GSPT1: variants seen among roughly 807,000 people sequenced by gnomAD.
GSPT1 encodes the protein eukaryotic peptide chain release factor GTP-binding subunit ERF3A.
A neutral mutation model predicts 72.5 loss-of-function variants in GSPT1; 20 were observed. That is an observed-to-expected ratio of 0.28 (90% confidence interval 0.19 to 0.40). The LOEUF is 0.40. Among genes scored for constraint, GSPT1 ranks in the 10% least tolerant of loss-of-function variants. The probability of loss-of-function intolerance (pLI) is 1.00; values close to 1 mark genes in which losing one functional copy is unlikely to be tolerated. For missense variants in GSPT1, 580 were observed against 811.9 expected, an observed-to-expected ratio of 0.71 and a Z score of 3.47; for synonymous variants, 334 against 293.5, an observed-to-expected ratio of 1.14 and a Z score of -1.41.
In GSPT1 at chr16:11,915,713, G is replaced by C; in HGVS notation, c.8C>G (p.Pro3Arg). 6.7e-7 allele frequency: 1 copy of C among 1,501,758 alleles called. No individual in the cohort carries two copies. 93.0% of individuals were successfully genotyped at this position (1,501,758 alleles called of 1,614,324 possible). ...GCCGCCGCCGCCGCCGCCACTGCCC[G>C]GATCCATGATCGGGGGGGCCGTGTG... The part of the protein sequence containing the change: MD[P>R]GSGGGGGGGG... The change falls in exon 1 of 15, where the codon CCG (proline) becomes CGG (arginine). Residue 3 changes from proline to arginine, a missense_variant. Around this residue, in one of 6 missense-constraint regions of GSPT1, gnomAD observed 327 missense variants for 298.8 expected, o/e 1.09. Transcript: ENST00000434724.
At chr16:11,905,198 T>C (rs1426143288) in intron 1 of GSPT1, among the ~76,000 whole-genome samples, 1 of 152,136 alleles carries the variant, frequency 6.6e-6, no homozygotes, top group Non-Finnish European at 1.5e-5. Flanking sequence ...AAGTAAGAAA[T>C]ATGTGTGACA....
rs1392354477 is a variant in GSPT1, at chr16:11,908,587, C to A, written c.352+6782G>T. On this transcript the variant is annotated intron_variant, in intron 1 of 14. Coordinates refer to ENST00000434724, the MANE Select transcript of GSPT1 (RefSeq NM_002094.4). ...CATCCCGGCTAAAACGGTGAAACCC[C>A]GTCTCTACTAAAAATACAAAAAATT... The A allele has an allele frequency of 3.8e-5, 4 of 106,556 alleles. 1 individual carries two copies. The highest frequency in any genetic ancestry group is 7.1e-5 in the Non-Finnish European group (4 of 56,718). The allele number at this position is 106,556 out of a possible 1,614,324, so 6.6% of individuals were successfully genotyped here. A position where few individuals can be genotyped will look rare whatever the true frequency, so the allele number is the denominator to read the frequency against.
intron 1 of GSPT1, among the ~76,000 whole-genome samples, chr16:11,910,277 G>GT (rs1165382676): frequency 1.3e-5 from 2 of 152,170 alleles, no homozygotes; most frequent in African/African-American, 4.8e-5. Context: ...GAGGTTTTAC[G>GT]TAAGGGATTG....
intron 14 of GSPT1, among the ~76,000 whole-genome samples, chr16:11,873,550 A>G (rs2054002561): frequency 6.6e-6 from 1 of 152,030 alleles, no homozygotes; most frequent in African/African-American, 2.4e-5. Flanking sequence ...ACCTCAGGTG[A>G]TCCACCCGCC....
chr16:11,882,913 C>T (rs8062768), intron 11 of GSPT1, 102 bp downstream of exon 11: 40,802 of 708,654 alleles, frequency 0.058, 3,374 homozygotes, highest in Admixed American at 0.23. Context: ...GCTATGAATG[C>T]GCCACTGTAC....
intron 1 of GSPT1, among the ~76,000 whole-genome samples, chr16:11,910,354 A>T (rs1325870621): frequency 6.6e-6 from 1 of 152,178 alleles, no homozygotes; most frequent in Non-Finnish European, 1.5e-5. Flanking sequence ...TGTGACTTCC[A>T]CTAGAGTACA....
intron 1 of GSPT1, among the ~76,000 whole-genome samples, chr16:11,913,137 T>A (rs1042966287): frequency 6.6e-6 from 1 of 152,236 alleles, no homozygotes; most frequent in African/African-American, 2.4e-5. Flanking sequence ...TATTTCCTAT[T>A]TATCCCCCTG....
chr16:11,890,589 TA>T (rs1255442661), intron 6 of GSPT1, among the ~76,000 whole-genome samples: 3 of 152,168 alleles, frequency 2.0e-5, no homozygotes, highest in African/African-American at 7.2e-5. Flanking sequence ...AAAATAAAAG[TA>T]ACAAGGTTAG....
intron 4 of GSPT1, among the ~76,000 whole-genome samples, chr16:11,895,872 G>A (rs1312266973): frequency 6.6e-6 from 1 of 152,184 alleles, no homozygotes; most frequent in East Asian, 1.9e-4. Flanking sequence ...TGATGTGCCC[G>A]CCTTGGCCTC....
At chr16:11,900,861 G>A (rs1016727503) in intron 1 of GSPT1, among the ~76,000 whole-genome samples, 2 of 151,906 alleles carry the variant, frequency 1.3e-5, no homozygotes, top group Non-Finnish European at 2.9e-5. Flanking sequence ...AACTTACAAT[G>A]GATTGTAAGT....
At chr16:11,885,581 A>G (rs946823193) in intron 9 of GSPT1, among the ~76,000 whole-genome samples, 6 of 152,110 alleles carry the variant, frequency 3.9e-5, no homozygotes, top group Non-Finnish European at 2.9e-5. Context: ...GATTCTATAA[A>G]ATAATTTCCC....
At chr16:11,895,443 A>C (rs2054322971) in intron 4 of GSPT1, 1 of 153,108 alleles carries the variant, frequency 6.5e-6, no homozygotes, top group Non-Finnish European at 1.5e-5. Flanking sequence ...AAAAAAAAAA[A>C]AAAAACCACT....
intron 11 of GSPT1, among the ~76,000 whole-genome samples, chr16:11,879,417 G>C (rs1232211631): frequency 6.8e-6 from 1 of 146,060 alleles, no homozygotes; most frequent in Non-Finnish European, 1.5e-5. Flanking sequence ...AGAAACAAGA[G>C]TTTAGAAGTC....
chr16:11,879,025 G>C (rs1034411968), intron 11 of GSPT1, among the ~76,000 whole-genome samples: 1 of 150,544 alleles, frequency 6.6e-6, no homozygotes, highest in Non-Finnish European at 1.5e-5. Context: ...GCAGTGAGCC[G>C]AGATCGTGCC....
chr16:11,909,029 A>G (rs1360101941), intron 1 of GSPT1: 2 of 152,204 alleles, frequency 1.3e-5, no homozygotes, highest in Non-Finnish European at 2.9e-5. Flanking sequence ...GTATGGTAAC[A>G]TACTGGAGTT....
At chr16:11,892,526 A>AAAAAC (rs2054278618) in intron 5 of GSPT1, among the ~76,000 whole-genome samples, 1 of 144,478 alleles carries the variant, frequency 6.9e-6, no homozygotes, top group Non-Finnish European at 1.5e-5. Context: ...AAAAAAACAA[A>AAAAAC]AAAAACAAAA....
At position 11,882,933 on chromosome 16, in the gene GSPT1, G is replaced by A. The variant is rs146106826; in HGVS notation, c.1428+82C>T. On this transcript the variant is annotated intron_variant, in intron 11 of 14. Coordinates refer to ENST00000434724, the MANE Select transcript of GSPT1 (RefSeq NM_002094.4). ...GAATGCGCCACTGTACTCCTGCCTC[G>A]GTGACAGAAGAAGACCCTATCTCTT... is the stretch of plus-strand genomic sequence containing the variant. The A allele has an allele frequency of 1.8e-4, 151 of 850,336 alleles. 4 individuals are homozygous for A. The African/African-American group carries it at 1.9e-3, about 10-fold the overall frequency. 52.7% of individuals were successfully genotyped at this position (850,336 alleles called of 1,614,324 possible).
At chr16:11,914,977 C>G in intron 1 of GSPT1, 1 of 1,284,964 alleles carries the variant, frequency 7.8e-7, no homozygotes, top group South Asian at 1.2e-5. Flanking sequence ...CCTGGGATCT[C>G]TAAACGCCCA....
At chr16:11,904,328 G>A (rs1032298489) in intron 1 of GSPT1, among the ~76,000 whole-genome samples, 4 of 152,018 alleles carry the variant, frequency 2.6e-5, no homozygotes, top group African/African-American at 4.8e-5. Context: ...TCAGCCTCCC[G>A]AGTAGCTGGG....
Sources: allele counts gnomAD v4.1 joint callset (sites outside exome capture counted in the v4.1 genomes callset), GRCh38; gene constraint gnomAD v4.1.1; regional missense constraint gnomAD v4.1.1; transcripts MANE v1.5; gene names NCBI Gene and HGNC (gene_info 2026-07-23, HGNC 2026-07-21).